Variants in PTPN9 observed in about 807,000 individuals in gnomAD.
PTPN9 encodes tyrosine-protein phosphatase non-receptor type 9.
PTPN9 carries 26 observed loss-of-function variants against 69.8 expected under a neutral mutation model. The observed-to-expected ratio is 0.37, with a 90% CI of 0.27 to 0.52. The LOEUF (loss-of-function observed/expected upper bound fraction) is 0.52, where lower values mean the gene tolerates loss of function less well. Among genes scored for constraint, PTPN9 ranks in the 20% least tolerant of loss-of-function variants. The pLI is 0.91. For missense variants in PTPN9, 549 were observed against 740.3 expected, an observed-to-expected ratio of 0.74 and a Z score of 3.00; for synonymous variants, 274 against 272.5, an observed-to-expected ratio of 1.01 and a Z score of -0.05.
intron 1 of PTPN9, among the ~76,000 whole-genome samples, chr15:75,532,222 G>A (rs1312863325): frequency 1.3e-5 from 2 of 152,002 alleles, no homozygotes; most frequent in Non-Finnish European, 2.9e-5. Flanking sequence ...CATAGTGAAT[G>A]AAACCCTGTC....
intron 1 of PTPN9, 54 bp downstream of exon 1, chr15:75,578,660 C>A: frequency 7.8e-7 from 1 of 1,283,176 alleles, no homozygotes; most frequent in Non-Finnish European, 9.9e-7. Context: ...CAGAGGCCGG[C>A]GTAGGCCTCG....
intron 8 of PTPN9, among the ~76,000 whole-genome samples, chr15:75,482,336 C>T (rs1412898378): frequency 3.3e-5 from 5 of 152,148 alleles, no homozygotes; most frequent in Admixed American, 1.3e-4. Context: ...GAGGCCGAGG[C>T]GGGCGGATGA....
chr15:75,485,434 T>C (rs1300642272), intron 8 of PTPN9, among the ~76,000 whole-genome samples: 2 of 129,140 alleles, frequency 1.5e-5, no homozygotes, highest in Non-Finnish European at 3.1e-5. Flanking sequence ...AGTGGCGCAA[T>C]CTCGGCTCAC....
At chr15:75,526,082 A>G (rs1197296072) in intron 2 of PTPN9, among the ~76,000 whole-genome samples, 2 of 142,424 alleles carry the variant, frequency 1.4e-5, no homozygotes, top group African/African-American at 5.3e-5. Flanking sequence ...TGCAACCTCC[A>G]CCTCCTTGGT....
chr15:75,573,933 G>A (rs1236861134), intron 1 of PTPN9, among the ~76,000 whole-genome samples: 2 of 152,090 alleles, frequency 1.3e-5, no homozygotes, highest in Non-Finnish European at 2.9e-5. Flanking sequence ...GAGAGCTGAA[G>A]GATGAAGAGG....
chr15:75,529,047 T>A (rs796943504), intron 1 of PTPN9, among the ~76,000 whole-genome samples: 3 of 151,740 alleles, frequency 2.0e-5, no homozygotes, highest in African/African-American at 4.8e-5. Context: ...AGTGCAGTGG[T>A]GCGATCTTGG....
At position 75,464,301 on chromosome 15, in the gene PTPN9, A is replaced by G. The variant is rs1037768518; in HGVS notation, c.*4468T>C. The G allele has an allele frequency of 6.6e-6, 1 of 152,296 alleles. No homozygotes were observed. Among genetic ancestry groups the G allele is most frequent in the African/African-American group, 2.4e-5 (1 of 41,378 alleles). The allele number at this position is 152,296 out of a possible 1,614,324, so 9.4% of individuals were successfully genotyped here. On this transcript the variant is annotated 3_prime_UTR_variant, in exon 13 of 13. Coordinates refer to ENST00000618819, the MANE Select transcript of PTPN9 (RefSeq NM_002833.4). ...CTCTAGAGAGAGAGAGAGAAAAAAAAAAAAAGCTGGGTTCCTGCTTGAGCC... is the reference window on the plus strand; with the variant it reads ...CTCTAGAGAGAGAGAGAGAAAAAAAGAAAAAGCTGGGTTCCTGCTTGAGCC...
At position 75,468,259 on chromosome 15, in the gene PTPN9, C is replaced by CAT. The variant is rs1483639748; in HGVS notation, c.*509_*510insAT. On this transcript the variant is annotated 3_prime_UTR_variant, in exon 13 of 13. Transcript: ENST00000618819. ...ACATAAGTGCACACACACACACACACAGAATGACAGAAAGGACTGGAATAC... is the reference window on the plus strand; with the variant it reads ...ACATAAGTGCACACACACACACACACATAGAATGACAGAAAGGACTGGAATAC... 1.2e-5 allele frequency: 2 copies of CAT among 163,108 alleles called. No homozygotes were observed. The highest frequency in any genetic ancestry group is 1.1e-4 in the Admixed American group (2 of 17,510). The allele number at this position is 163,108 out of a possible 1,614,324, so 10.1% of individuals were successfully genotyped here.
chr15:75,466,973 C>A lies in PTPN9; in HGVS notation c.*1796G>T, dbSNP rs1031316730. 6.6e-6 allele frequency: 1 copy of A among 152,178 alleles called. No individual in the cohort carries two copies. Among genetic ancestry groups the A allele is most frequent in the African/African-American group, 2.4e-5 (1 of 41,430 alleles). The allele number at this position is 152,178 out of a possible 1,614,324, so 9.4% of individuals were successfully genotyped here. On this transcript the variant is annotated 3_prime_UTR_variant, in exon 13 of 13. Coordinates refer to ENST00000618819, the MANE Select transcript of PTPN9 (RefSeq NM_002833.4). ...CCTCTGTCCAGAGATAGGGCCATGGCCTACAGACAAGGTGAACTCATAGTG... is the reference window on the plus strand; with the variant it reads ...CCTCTGTCCAGAGATAGGGCCATGGACTACAGACAAGGTGAACTCATAGTG...
intron 11 of PTPN9, among the ~76,000 whole-genome samples, 192 bp downstream of exon 11, chr15:75,470,488 T>C (rs540660006): frequency 2.0e-5 from 3 of 152,358 alleles, no homozygotes; most frequent in African/African-American, 7.2e-5. Context: ...TTTACTCCTA[T>C]TTAATGTTCC....
At chr15:75,492,033 C>G (rs2074713862) in intron 7 of PTPN9, among the ~76,000 whole-genome samples, 1 of 152,090 alleles carries the variant, frequency 6.6e-6, no homozygotes, top group Non-Finnish European at 1.5e-5. Flanking sequence ...CCACCACGCC[C>G]AGCTAATTTT....
rs1032404000 is a variant in PTPN9 at position 75,468,051 on chromosome 15, T to A, written c.*718A>T. 1 of 152,534 alleles carries A rather than the reference T, an allele frequency of 6.6e-6. No homozygotes were observed. The highest frequency in any genetic ancestry group is 1.9e-4 in the East Asian group (1 of 5,192). 9.4% of individuals were successfully genotyped at this position (152,534 alleles called of 1,614,324 possible). A position where few individuals can be genotyped will look rare whatever the true frequency, so the allele number is the denominator to read the frequency against. Reference sequence around the variant, plus strand: ...CTCTGTAGCCTGACAAGAGGAGACATGATCACCAACCCAAGCTAGTCCAGG... The same window carrying A: ...CTCTGTAGCCTGACAAGAGGAGACAAGATCACCAACCCAAGCTAGTCCAGG... On this transcript the variant is annotated 3_prime_UTR_variant, in exon 13 of 13. Transcript: ENST00000618819.
At position 75,523,174 on chromosome 15, in the gene PTPN9, G is replaced by C; in HGVS notation, c.369C>G (p.Val123=). 2 of 1,614,114 alleles carry C rather than the reference G, an allele frequency of 1.2e-6. No individual in the cohort carries two copies. The highest frequency in any genetic ancestry group is 3.3e-5 in the Admixed American group (2 of 60,010). ...TARLHHPHKS[V]QHVVLQALFY... ...ACAGAGCCTGAAGTACCACATGTTGGACTGACTTGTGGGGATGATGCAACC... is the reference window on the plus strand; with the variant it reads ...ACAGAGCCTGAAGTACCACATGTTGCACTGACTTGTGGGGATGATGCAACC... The change falls in exon 4 of 13, where the codon GTC becomes GTG. Residue 123 remains valine (V), a synonymous_variant. Coordinates refer to ENST00000618819, the MANE Select transcript of PTPN9 (RefSeq NM_002833.4).
At chr15:75,563,684 C>A (rs1415267214) in intron 1 of PTPN9, among the ~76,000 whole-genome samples, 1 of 152,084 alleles carries the variant, frequency 6.6e-6, no homozygotes. Flanking sequence ...ATATTTTGAA[C>A]CCTCCAAAAT....
chr15:75,522,609 T>C (rs2074910395), intron 4 of PTPN9, among the ~76,000 whole-genome samples: 1 of 152,132 alleles, frequency 6.6e-6, no homozygotes, highest in East Asian at 1.9e-4. Flanking sequence ...TTTCACCATG[T>C]TGTCCAGGCT....
chr15:75,558,518 C>G (rs927137853), intron 1 of PTPN9, among the ~76,000 whole-genome samples: 1 of 151,856 alleles, frequency 6.6e-6, no homozygotes, highest in African/African-American at 2.4e-5. Flanking sequence ...TCCCTCTCCC[C>G]CTCCCCCTCT....
chr15:75,531,330 G>C (rs1170496309), intron 1 of PTPN9, among the ~76,000 whole-genome samples: 1 of 152,088 alleles, frequency 6.6e-6, no homozygotes, highest in Non-Finnish European at 1.5e-5. Context: ...AAAGCTTTCA[G>C]AAGATCATTC....
intron 1 of PTPN9, among the ~76,000 whole-genome samples, chr15:75,540,908 T>A (rs995240692): frequency 3.3e-4 from 50 of 151,332 alleles, no homozygotes; most frequent in African/African-American, 1.2e-3. Flanking sequence ...GGAAACCTCG[T>A]CTCTAAAAAA....
chr15:75,574,365 G>C (rs994286669), intron 1 of PTPN9, among the ~76,000 whole-genome samples: 5 of 152,054 alleles, frequency 3.3e-5, no homozygotes, highest in Non-Finnish European at 5.9e-5. Flanking sequence ...CAGGCTGAGG[G>C]GAAGATGAAA....
Sources: gnomAD v4.1 joint callset for allele counts (sites outside exome capture counted in the v4.1 genomes callset) on GRCh38, gnomAD v4.1.1 for gene constraint, MANE v1.5 for transcripts, NCBI Gene and HGNC (gene_info 2026-07-23, HGNC 2026-07-21) for gene names.